DNAH8: variants seen among roughly 807,000 people sequenced by gnomAD.
The protein encoded by DNAH8 is dynein axonemal heavy chain 8.
In DNAH8, 382 loss-of-function variants were observed where a neutral mutation model predicts 562.1. The observed-to-expected ratio is 0.68, with a 90% CI of 0.63 to 0.74. DNAH8 has a LOEUF of 0.74. Ranked by LOEUF, DNAH8 falls within the 30% of genes least tolerant of loss-of-function variation. The pLI is 0.00. For missense variants in DNAH8, 5,203 were observed against 5,620.4 expected (o/e 0.93, Z 2.37); for synonymous variants, 1,881 against 1,919.4 (o/e 0.98, Z 0.52).
chr6:39,029,593 G>GCT (rs1352847965), intron 92 of DNAH8, among the ~76,000 whole-genome samples: 2 of 152,322 alleles, frequency 1.3e-5, no homozygotes, highest in South Asian at 4.1e-4. Context: ...GATTCCCCTG[G>GCT]CTCTACCATG....
At chr6:38,973,990 A>G (rs1763512660) in intron 84 of DNAH8, among the ~76,000 whole-genome samples, 177 bp downstream of exon 84, 1 of 152,196 alleles carries the variant, frequency 6.6e-6, no homozygotes, top group South Asian at 2.1e-4. Flanking sequence ...ACTGTAGTAA[A>G]TATTTCCATA....
intron 58 of DNAH8, among the ~76,000 whole-genome samples, chr6:38,892,051 T>C (rs939682937): frequency 6.6e-6 from 1 of 152,188 alleles, no homozygotes; most frequent in African/African-American, 2.4e-5. Context: ...CTAAATATTT[T>C]CTTCACTTGG....
rs1583215319 is a variant in DNAH8, at chr6:38,864,374, T to C, written c.6498+314T>C. Among the ~76,000 whole-genome samples, 4 of 152,216 alleles carry C rather than the reference T, an allele frequency of 2.6e-5. No homozygotes were observed. In the East Asian group the frequency reaches 5.8e-4, roughly 22 times the overall value. ...GTTCTATGTGCTATATCAGATGGCATAACTCATGTGGTTCTGCAGTAACAA... is the reference window on the plus strand; with the variant it reads ...GTTCTATGTGCTATATCAGATGGCACAACTCATGTGGTTCTGCAGTAACAA... On this transcript the variant is annotated intron_variant, in intron 45 of 92. Transcript: ENST00000327475.
chr6:39,029,373 C>T (rs1041877424), intron 92 of DNAH8, among the ~76,000 whole-genome samples: 6 of 152,304 alleles, frequency 3.9e-5, no homozygotes, highest in Non-Finnish European at 5.9e-5. Context: ...GCCACAGGGA[C>T]CTTGCCTCAG....
chr6:38,926,370 T>A (rs529566246), intron 74 of DNAH8, among the ~76,000 whole-genome samples, 160 bp downstream of exon 74: 1 of 152,176 alleles, frequency 6.6e-6, no homozygotes, highest in South Asian at 2.1e-4. Context: ...ACAGCTCTGA[T>A]TCTTTTCTCT....
intron 16 of DNAH8, 50 bp from the exon 17 acceptor site, chr6:38,782,954 A>T (rs1261060659): frequency 2.0e-6 from 3 of 1,514,228 alleles, no homozygotes; most frequent in Admixed American, 3.7e-5. Context: ...ATTTGGATAT[A>T]AAAACATTCA....
intron 1 of DNAH8, among the ~76,000 whole-genome samples, chr6:38,720,365 G>A (rs1291814886): frequency 6.6e-6 from 1 of 152,196 alleles, no homozygotes; most frequent in African/African-American, 2.4e-5. Flanking sequence ...CTGTTTGGCA[G>A]TACCATGCTG....
chr6:38,962,190 A>G (rs1167094220), intron 82 of DNAH8, among the ~76,000 whole-genome samples: 2 of 152,106 alleles, frequency 1.3e-5, no homozygotes, highest in African/African-American at 2.4e-5. Flanking sequence ...TAGAGATTCA[A>G]TGTTGTAAAG....
chr6:38,987,045 C>A (rs1764447875), intron 87 of DNAH8, among the ~76,000 whole-genome samples: 2 of 152,218 alleles, frequency 1.3e-5, no homozygotes, highest in African/African-American at 4.8e-5. Flanking sequence ...AGAACGAATG[C>A]ATGAATGCAG....
At chr6:38,959,845 C>T (rs1762494964) in intron 82 of DNAH8, among the ~76,000 whole-genome samples, 1 of 151,642 alleles carries the variant, frequency 6.6e-6, no homozygotes, top group South Asian at 2.1e-4. Flanking sequence ...TTTAAGGCAC[C>T]AAACTACCTG....
intron 57 of DNAH8, among the ~76,000 whole-genome samples, chr6:38,888,405 A>C (rs910359370): frequency 2.6e-4 from 40 of 152,320 alleles, no homozygotes; most frequent in African/African-American, 9.1e-4. Context: ...CTAGATTGAA[A>C]TGTAAAATTT....
chr6:38,906,403 G>A lies in DNAH8; in HGVS notation c.9344G>A (p.Gly3115Glu), dbSNP rs1780482512. 2 of 1,581,972 alleles carry A rather than the reference G, an allele frequency of 1.3e-6. No homozygotes were observed. Among genetic ancestry groups the A allele is most frequent in the Non-Finnish European group, 1.7e-6 (2 of 1,165,620 alleles). ...LEYLNNLLSS[G>E]EISNLFARDE... is the part of the protein sequence containing the mutation. ...TACCTTAACAACTTGCTATCTTCAGGGGAGGTAAGTCTCAAAAGTAGAGAA... is the reference window on the plus strand; with the variant it reads ...TACCTTAACAACTTGCTATCTTCAGAGGAGGTAAGTCTCAAAAGTAGAGAA... The change falls in exon 63 of 93, where the codon GGG becomes GAG. Residue 3115 changes from glycine (G) to glutamate (E), a missense_variant. Around this residue, in one of 6 missense-constraint regions of DNAH8, gnomAD observed 977 missense variants for 1,061.8 expected, o/e 0.92. Coordinates refer to ENST00000327475, the MANE Select transcript of DNAH8 (RefSeq NM_001206927.2).
chr6:38,771,889 C>T (rs1462414777), intron 12 of DNAH8, among the ~76,000 whole-genome samples: 1 of 152,080 alleles, frequency 6.6e-6, no homozygotes, highest in East Asian at 1.9e-4. Context: ...GTTGTCATTT[C>T]TCTTGGGTAT....
At chr6:38,817,140 T>G (rs1269138183) in intron 26 of DNAH8, among the ~76,000 whole-genome samples, 1 of 152,132 alleles carries the variant, frequency 6.6e-6, no homozygotes, top group African/African-American at 2.4e-5. Context: ...GTCAGGAGTT[T>G]GATATCATCC....
At chr6:38,993,449 TC>T (rs1043561941) in intron 88 of DNAH8, among the ~76,000 whole-genome samples, 3 of 151,752 alleles carry the variant, frequency 2.0e-5, no homozygotes, top group South Asian at 4.2e-4. Context: ...AGGGTTTTTT[TC>T]CCCCACATAT....
At chr6:38,855,012 TGTATATATGAATATATTCACATAA>T (rs571482773) in intron 41 of DNAH8, among the ~76,000 whole-genome samples, 347 of 148,892 alleles carry the variant, frequency 2.3e-3, no homozygotes, top group Admixed American at 4.6e-3. Context: ...TATACATATG[TGTATATATGAATATATTCACATAA>T]GTATATATGA....
chr6:38,823,482 G>A, intron 27 of DNAH8, 80 bp from the exon 28 acceptor site: 4 of 1,127,844 alleles, frequency 3.5e-6, no homozygotes, highest in South Asian at 2.8e-5. Context: ...ATGTGTATGA[G>A]CAAATGCAAT....
intron 82 of DNAH8, among the ~76,000 whole-genome samples, chr6:38,951,901 C>A (rs1024782555): frequency 8.5e-5 from 13 of 152,084 alleles, no homozygotes; most frequent in Non-Finnish European, 1.6e-4. Flanking sequence ...AAAACTATAA[C>A]CATTATTGTA....
intron 23 of DNAH8, among the ~76,000 whole-genome samples, chr6:38,806,578 C>T (rs1052888429): frequency 6.6e-6 from 1 of 152,116 alleles, no homozygotes. Context: ...ATCACTGGAG[C>T]TGTGCTAGTG....
Sources: gnomAD v4.1 joint callset for allele counts (sites outside exome capture counted in the v4.1 genomes callset) on GRCh38, gnomAD v4.1.1 for gene constraint, gnomAD v4.1.1 regional missense constraint, MANE v1.5 for transcripts, NCBI Gene and HGNC (gene_info 2026-07-23, HGNC 2026-07-21) for gene names.